DLGAP1: variants seen among roughly 807,000 people sequenced by gnomAD.
The protein encoded by DLGAP1 is DLG associated protein 1.
DLGAP1 carries 11 observed loss-of-function variants against 90.8 expected under a neutral mutation model. That is an observed-to-expected ratio of 0.12 (90% CI 0.08 to 0.20). The LOEUF (loss-of-function observed/expected upper bound fraction) is 0.20, where lower values mean the gene tolerates loss of function less well. Ranked by LOEUF, DLGAP1 falls within the 10% of genes least tolerant of loss-of-function variation. The pLI is 1.00. For missense variants in DLGAP1, 1,050 were observed against 1,333.8 expected (o/e 0.79, Z 3.31); for synonymous variants, 558 against 540.7 (o/e 1.03, Z -0.44).
chr18:3,635,128 TC>T (rs1170242314), intron 7 of DLGAP1, among the ~76,000 whole-genome samples: 1 of 145,916 alleles, frequency 6.9e-6, no homozygotes, highest in Non-Finnish European at 1.5e-5. Flanking sequence ...TGGTTGTCTG[TC>T]CCATTTTTTT....
At chr18:4,045,941 T>A (rs952401113) in intron 2 of DLGAP1, among the ~76,000 whole-genome samples, 6 of 152,072 alleles carry the variant, frequency 3.9e-5, no homozygotes, top group Non-Finnish European at 7.4e-5. Context: ...TATCTGGCTC[T>A]TTTAAACTTC....
At chr18:3,895,318 C>CACACAT (rs1356459000) in intron 3 of DLGAP1, among the ~76,000 whole-genome samples, 1 of 147,662 alleles carries the variant, frequency 6.8e-6, no homozygotes, top group Non-Finnish European at 1.5e-5. Context: ...CACACACACA[C>CACACAT]ACATCATCAT....
At chr18:3,535,503 C>G (rs1040418740) in intron 9 of DLGAP1, among the ~76,000 whole-genome samples, 1 of 147,276 alleles carries the variant, frequency 6.8e-6, no homozygotes, top group East Asian at 2.1e-4. Context: ...GTCAGGGGAT[C>G]GAGACCCTCC....
intron 1 of DLGAP1, among the ~76,000 whole-genome samples, chr18:4,333,571 T>C (rs1238607523): frequency 1.3e-5 from 2 of 150,886 alleles, no homozygotes; most frequent in Non-Finnish European, 2.9e-5. Flanking sequence ...TGGAACCCGG[T>C]ATCAGTGCCA....
intron 3 of DLGAP1, among the ~76,000 whole-genome samples, chr18:3,979,314 A>G (rs1041671789): frequency 1.3e-5 from 2 of 152,162 alleles, no homozygotes; most frequent in African/African-American, 4.8e-5. Context: ...GCACAGTACC[A>G]TGTGTACAGG....
At chr18:3,616,366 T>C (rs890354711) in intron 7 of DLGAP1, among the ~76,000 whole-genome samples, 3 of 152,204 alleles carry the variant, frequency 2.0e-5, no homozygotes, top group African/African-American at 7.2e-5. Flanking sequence ...ATGTACAGCC[T>C]TGTTTGTGTT....
intron 5 of DLGAP1, among the ~76,000 whole-genome samples, chr18:3,785,206 C>A (rs561476866): frequency 6.6e-6 from 1 of 151,978 alleles, no homozygotes; most frequent in South Asian, 2.1e-4. Flanking sequence ...AGAAAACCCA[C>A]AGAGTTATTA....
intron 1 of DLGAP1, among the ~76,000 whole-genome samples, chr18:4,265,627 TTCCC>T (rs1486334121): frequency 2.8e-5 from 1 of 36,170 alleles, no homozygotes; most frequent in Non-Finnish European, 4.2e-5. Context: ...CTCCCTCCCC[TTCCC>T]TCCCTCCCCT....
At chr18:3,809,669 G>A (rs1379962537) in intron 5 of DLGAP1, among the ~76,000 whole-genome samples, 2 of 152,132 alleles carry the variant, frequency 1.3e-5, no homozygotes, top group African/African-American at 4.8e-5. Flanking sequence ...TTTTCTTAGT[G>A]CTTGGATAAA....
intron 1 of DLGAP1, among the ~76,000 whole-genome samples, chr18:4,254,227 C>G (rs2078840700): frequency 6.6e-6 from 1 of 152,166 alleles, no homozygotes. Flanking sequence ...CCATGATATA[C>G]AGGTATCCTA....
At chr18:3,760,108 TC>T (rs1338350227) in intron 5 of DLGAP1, among the ~76,000 whole-genome samples, 11 of 152,198 alleles carry the variant, frequency 7.2e-5, no homozygotes, top group Non-Finnish European at 1.3e-4. Context: ...ATCATTGTAA[TC>T]CCCAATGTCA....
At chr18:4,258,346 G>C (rs1034714437) in intron 1 of DLGAP1, among the ~76,000 whole-genome samples, 1 of 152,120 alleles carries the variant, frequency 6.6e-6, no homozygotes, top group Non-Finnish European at 1.5e-5. Flanking sequence ...ACCCAGCCCA[G>C]GATGCCTGTT....
At chr18:4,448,367 T>C (rs2083720387) in intron 1 of DLGAP1, among the ~76,000 whole-genome samples, 1 of 152,188 alleles carries the variant, frequency 6.6e-6, no homozygotes, top group South Asian at 2.1e-4. Context: ...CAGTAATAAG[T>C]ACCCAGGAGA....
intron 1 of DLGAP1, among the ~76,000 whole-genome samples, chr18:4,310,665 T>G (rs1287512856): frequency 6.6e-6 from 1 of 152,206 alleles, no homozygotes; most frequent in Non-Finnish European, 1.5e-5. Context: ...TTATTCCTCA[T>G]TGTATCCTGT....
intron 1 of DLGAP1, among the ~76,000 whole-genome samples, chr18:4,227,635 A>C (rs2078219382): frequency 6.6e-6 from 1 of 151,970 alleles, no homozygotes; most frequent in African/African-American, 2.4e-5. Context: ...GCAATTAAAA[A>C]ATTTCTTGAA....
At chr18:3,675,661 C>T (rs2060271399) in intron 7 of DLGAP1, among the ~76,000 whole-genome samples, 1 of 152,216 alleles carries the variant, frequency 6.6e-6, no homozygotes, top group Non-Finnish European at 1.5e-5. Flanking sequence ...CTGACTCATC[C>T]ATGCCACCCA....
chr18:3,884,100 C>G lies in DLGAP1; in HGVS notation c.-72-3960G>C, dbSNP rs117802299. Among the ~76,000 whole-genome samples, 718 of 152,240 alleles carry G rather than the reference C, an allele frequency of 4.7e-3. 20 individuals are homozygous for G. Among genetic ancestry groups the G allele is most frequent in the Admixed American group, 0.036 (543 of 15,294 alleles). The stretch of plus-strand genomic sequence containing the variant: ...GGTGACAGACTAATGAAACAGAAAA[C>G]CTTGGGATTGCTTTGTATGAAGTTA... On this transcript the variant is annotated intron_variant, in intron 3 of 12. Transcript: ENST00000315677.
At chr18:3,802,438 T>G (rs1453342586) in intron 5 of DLGAP1, among the ~76,000 whole-genome samples, 1 of 152,212 alleles carries the variant, frequency 6.6e-6, no homozygotes, top group Non-Finnish European at 1.5e-5. Flanking sequence ...CAAAGATGGC[T>G]TCCCATTTTT....
At chr18:3,659,454 C>T (rs1599765152) in intron 7 of DLGAP1, among the ~76,000 whole-genome samples, 1 of 146,702 alleles carries the variant, frequency 6.8e-6, no homozygotes, top group African/African-American at 2.6e-5. Context: ...CACCCCCCGC[C>T]GCCCCCACCC....
Sources: allele counts gnomAD v4.1 joint callset (sites outside exome capture counted in the v4.1 genomes callset), GRCh38; gene constraint gnomAD v4.1.1; transcripts MANE v1.5; gene names NCBI Gene and HGNC (gene_info 2026-07-23, HGNC 2026-07-21).